The following HNRNPC variants were observed in gnomAD, a reference collection of about 807,000 sequenced individuals.
The protein encoded by HNRNPC is heterogeneous nuclear ribonucleoprotein C, also known as heterogeneous nuclear ribonucleoproteins C1/C2.
In HNRNPC, 3 loss-of-function variants were observed where a neutral mutation model predicts 33.2. The observed-to-expected ratio is 0.09, with a 90% confidence interval of 0.04 to 0.23. The LOEUF is 0.23. Among genes scored for constraint, HNRNPC ranks in the 10% least tolerant of loss-of-function variants. The probability of loss-of-function intolerance (pLI) is 1.00; values close to 1 mark genes in which losing one functional copy is unlikely to be tolerated. For synonymous variants in HNRNPC, 121 were observed against 126.7 expected (o/e 0.96, Z 0.30); for missense variants, 143 against 366.7 (o/e 0.39, Z 4.98).
intron 5 of HNRNPC, among the ~76,000 whole-genome samples, chr14:21,222,535 T>C (rs897284548): frequency 2.0e-5 from 3 of 152,280 alleles, no homozygotes; most frequent in African/African-American, 7.2e-5. Context: ...ATTTTATGGT[T>C]ACTACATTTT....
At position 21,212,964 on chromosome 14, in the gene HNRNPC, T is replaced by G. The variant is rs752511827; in HGVS notation, c.519A>C (p.Gly173=). The G allele has an allele frequency of 1.2e-6, 2 of 1,613,802 alleles. No homozygotes were observed. Among genetic ancestry groups the G allele is most frequent in the East Asian group, 4.5e-5 (2 of 44,892 alleles). The change falls in exon 6 of 9, where the codon GGA becomes GGC. Residue 173 remains glycine (G), a synonymous_variant. Coordinates refer to ENST00000553300, the MANE Select transcript of HNRNPC (RefSeq NM_004500.4). ...KSGQRGSSKS[G]KLKGDDLQAI... ...ACAAAATGAAATAATACATACACTT[T>G]CCAGACTTGGAAGATCCCCGCTGTC...
chr14:21,228,275 G>A (rs1356788014), intron 5 of HNRNPC, among the ~76,000 whole-genome samples: 1 of 152,132 alleles, frequency 6.6e-6, no homozygotes, highest in African/African-American at 2.4e-5. Flanking sequence ...TACTGCATTA[G>A]GTCATTACCA....
intron 8 of HNRNPC, 40 bp from the exon 9 acceptor site, chr14:21,211,346 C>G (rs756270993): frequency 1.2e-6 from 2 of 1,613,362 alleles, no homozygotes; most frequent in Non-Finnish European, 1.7e-6. Flanking sequence ...GTTAGAGGCA[C>G]TCCATGTGTC....
chr14:21,237,925 C>A (rs1179762735), intron 2 of HNRNPC, among the ~76,000 whole-genome samples: 1 of 152,194 alleles, frequency 6.6e-6, no homozygotes, highest in Non-Finnish European at 1.5e-5. Context: ...GCATGCGCCA[C>A]CAGGCCCGGC....
At position 21,254,373 on chromosome 14, in the gene HNRNPC, A is replaced by G. The variant is rs1036672943; in HGVS notation, c.-37+8938T>C. 2.0e-5 allele frequency among the ~76,000 whole-genome samples: 3 copies of G among 152,300 alleles called. No homozygotes were observed. In the South Asian group the frequency reaches 6.2e-4, roughly 32 times the overall value. Reference sequence around the variant, plus strand: ...ACATAAGCTATTCAGGTTAAATTTAAAATTATTACTTAAATATATATGCTG... The same window carrying G: ...ACATAAGCTATTCAGGTTAAATTTAGAATTATTACTTAAATATATATGCTG... On this transcript the variant is annotated intron_variant, in intron 2 of 8. Coordinates refer to ENST00000553300, the MANE Select transcript of HNRNPC (RefSeq NM_004500.4).
At chr14:21,240,788 C>G (rs1895248226) in intron 2 of HNRNPC, among the ~76,000 whole-genome samples, 1 of 152,164 alleles carries the variant, frequency 6.6e-6, no homozygotes, top group African/African-American at 2.4e-5. Context: ...CCCTGGCCAC[C>G]TCTCCACATG....
At chr14:21,211,626 C>A in intron 7 of HNRNPC, 60 bp from the exon 8 acceptor site, 1 of 1,549,164 alleles carries the variant, frequency 6.5e-7, no homozygotes. Flanking sequence ...CGTAGACAAT[C>A]CCCACTAAGG....
chr14:21,248,312 G>C (rs894771524), intron 2 of HNRNPC, among the ~76,000 whole-genome samples: 2 of 152,084 alleles, frequency 1.3e-5, no homozygotes, highest in Non-Finnish European at 2.9e-5. Context: ...CCAAAATTTG[G>C]GATTACAGGC....
intron 1 of HNRNPC, chr14:21,263,695 T>C (rs999392712): frequency 6.6e-6 from 1 of 151,800 alleles, no homozygotes; most frequent in Non-Finnish European, 1.5e-5. Context: ...GCACACCAAG[T>C]TGCATCATTA....
rs1891422215 is a variant in HNRNPC at position 21,209,724 on chromosome 14, G to A, written c.*1499C>T. The A allele has an allele frequency of 6.6e-6, 1 of 152,150 alleles. No individual in the cohort carries two copies. Among genetic ancestry groups the A allele is most frequent in the Admixed American group, 6.5e-5 (1 of 15,274 alleles). 9.4% of individuals were successfully genotyped at this position (152,150 alleles called of 1,614,324 possible). On this transcript the variant is annotated 3_prime_UTR_variant, in exon 9 of 9. Transcript: ENST00000553300. The stretch of plus-strand genomic sequence containing the variant: ...AAAAAAGGCCAGTGCCGCATGCTAT[G>A]AAACAATAGCAACTTTACAGGGGAA...
intron 5 of HNRNPC, among the ~76,000 whole-genome samples, chr14:21,218,710 T>TAAAAAAAAAAAA (rs1892504201): frequency 8.6e-5 from 4 of 46,570 alleles, no homozygotes; most frequent in Non-Finnish European, 1.3e-4. Context: ...AAAAAAAAAC[T>TAAAAAAAAAAAA]GAAATTGAGT....
At chr14:21,243,000 CTG>C (rs1295407869) in intron 2 of HNRNPC, among the ~76,000 whole-genome samples, 6 of 152,112 alleles carry the variant, frequency 3.9e-5, no homozygotes, top group African/African-American at 1.4e-4. Context: ...TGGCACATAC[CTG>C]TAGTCCCAGC....
intron 2 of HNRNPC, among the ~76,000 whole-genome samples, chr14:21,246,725 A>G (rs1037883602): frequency 6.6e-6 from 1 of 152,206 alleles, no homozygotes; most frequent in African/African-American, 2.4e-5. Context: ...CAACACATAC[A>G]GGAACAATTA....
At chr14:21,225,758 A>G (rs950149660) in intron 5 of HNRNPC, among the ~76,000 whole-genome samples, 3 of 152,146 alleles carry the variant, frequency 2.0e-5, no homozygotes, top group African/African-American at 7.2e-5. Context: ...TCATTCACAT[A>G]CCATAAAATT....
At chr14:21,215,913 G>A (rs55651045) in intron 5 of HNRNPC, among the ~76,000 whole-genome samples, 10,095 of 123,296 alleles carry the variant, frequency 0.082, 438 homozygotes, top group African/African-American at 0.1. Context: ...AAAAAAAAAA[G>A]AAAGGAAGAA....
intron 6 of HNRNPC, among the ~76,000 whole-genome samples, chr14:21,212,292 T>G (rs564009094): frequency 6.6e-6 from 1 of 151,832 alleles, no homozygotes; most frequent in African/African-American, 2.4e-5. Flanking sequence ...CACGCACCAC[T>G]GCATCAGACC....
chr14:21,247,492 G>GT (rs1427956499), intron 2 of HNRNPC, among the ~76,000 whole-genome samples: 1 of 151,908 alleles, frequency 6.6e-6, no homozygotes, highest in Non-Finnish European at 1.5e-5. Flanking sequence ...ATTATTTTTT[G>GT]TACCCTGAAA....
chr14:21,221,979 A>G (rs1892871325), intron 5 of HNRNPC, among the ~76,000 whole-genome samples: 1 of 140,842 alleles, frequency 7.1e-6, no homozygotes, highest in South Asian at 2.4e-4. Flanking sequence ...AACTCAGGAG[A>G]CGGGGCTCTT....
chr14:21,226,327 GAAAAAAAAA>G (rs374686866), intron 5 of HNRNPC, among the ~76,000 whole-genome samples: 3 of 110,612 alleles, frequency 2.7e-5, no homozygotes, highest in Non-Finnish European at 5.8e-5. Flanking sequence ...GTTTCCAAAA[GAAAAAAAAA>G]AAAAAAAAAG....
Sources: allele counts gnomAD v4.1 joint callset (sites outside exome capture counted in the v4.1 genomes callset), GRCh38; gene constraint gnomAD v4.1.1; transcripts MANE v1.5; gene names NCBI Gene and HGNC (gene_info 2026-07-23, HGNC 2026-07-21).